SYNE2: variants seen among roughly 807,000 people sequenced by gnomAD.
The protein encoded by SYNE2 is nesprin-2.
In SYNE2, 431 loss-of-function variants were observed where a neutral mutation model predicts 856.3. That is an observed-to-expected ratio of 0.50 (90% CI 0.47 to 0.55). SYNE2 has a LOEUF of 0.55. SYNE2 is among the 20% of genes least tolerant of loss of function. SYNE2 has a pLI of 0.00. For missense variants in SYNE2, 8,129 were observed against 8,023.2 expected (o/e 1.01, Z -0.50); for synonymous variants, 2,923 against 2,872.3 (o/e 1.02, Z -0.56).
In SYNE2 at chr14:64,212,044, C is replaced by T. The variant is rs1243397539; in HGVS notation, c.18807C>T (p.Thr6269=). 6.2e-7 allele frequency: 1 copy of T among 1,614,042 alleles called. No homozygotes were observed. Among genetic ancestry groups the T allele is most frequent in the Non-Finnish European group, 8.5e-7 (1 of 1,180,032 alleles). The part of the protein sequence containing the change: ...VWLTEMDLQL[T]NVEHFSESDA... ...TCACAGAGATGGACCTGCAGCTGAC[C>T]AACGTGGAGCACTTCTCAGAGAGTG... The change falls in exon 104 of 116, where the codon ACC becomes ACT. Residue 6269 remains threonine, a synonymous_variant. Transcript: ENST00000555002.
chr14:63,949,737 T>C, intron 6 of SYNE2, 88 bp from the exon 7 acceptor site: 1 of 1,359,746 alleles, frequency 7.4e-7, no homozygotes, highest in Non-Finnish European at 1.1e-6. Context: ...ACAGGATGCT[T>C]TTTAGGTCTC....
At chr14:64,202,083 C>G (rs142498932) in intron 99 of SYNE2, 7,645 of 664,870 alleles carry the variant, frequency 0.011, 63 homozygotes, top group South Asian at 0.018. Flanking sequence ...TTCAAATCTG[C>G]TCCACGCCGA....
chr14:63,893,016 T>C (rs2095170838), intron 1 of SYNE2, among the ~76,000 whole-genome samples: 1 of 151,868 alleles, frequency 6.6e-6, no homozygotes, highest in Non-Finnish European at 1.5e-5. Flanking sequence ...GAAAAACAAA[T>C]ACAGTGAGGG....
intron 21 of SYNE2, 78 bp downstream of exon 21, chr14:63,991,193 C>T: frequency 7.2e-7 from 1 of 1,390,578 alleles, no homozygotes; most frequent in Non-Finnish European, 1.0e-6. Context: ...ATGTTTCCTT[C>T]ACTGTAATTA....
chr14:64,087,388 A>G (rs771201210), intron 57 of SYNE2: 1 of 588,086 alleles, frequency 1.7e-6, no homozygotes, highest in Non-Finnish European at 3.3e-6. Flanking sequence ...ATGTATAATA[A>G]AAGACACTTC....
chr14:64,144,770 A>G (rs2098167613), intron 83 of SYNE2, among the ~76,000 whole-genome samples: 1 of 152,132 alleles, frequency 6.6e-6, no homozygotes, highest in Non-Finnish European at 1.5e-5. Context: ...TTACACATTT[A>G]AGTAGATAGT....
chr14:64,045,271 T>G lies in SYNE2; in HGVS notation c.7222-2729T>G, dbSNP rs141562724. Reference sequence around the variant, plus strand: ...CCTTTTTCTGACTACTAAAGGCAGTTGTTAGAAATAATGCTTTACTGTTGT... The same window carrying G: ...CCTTTTTCTGACTACTAAAGGCAGTGGTTAGAAATAATGCTTTACTGTTGT... On this transcript the variant is annotated intron_variant, in intron 45 of 115. Transcript: ENST00000555002. Among the ~76,000 whole-genome samples the G allele has an allele frequency of 7.1e-3, 1,084 of 152,322 alleles. 8 individuals carry two copies. Among genetic ancestry groups the G allele is most frequent in the African/African-American group, 0.025 (1,032 of 41,568 alleles).
At chr14:63,867,149 A>G (rs1040805393) in intron 1 of SYNE2, among the ~76,000 whole-genome samples, 1 of 152,094 alleles carries the variant, frequency 6.6e-6, no homozygotes, top group African/African-American at 2.4e-5. Context: ...GCTTGAACAC[A>G]AGTCTGTTGG....
At position 64,220,180 on chromosome 14, in the gene SYNE2, G is replaced by A. The variant is rs115909440; in HGVS notation, c.19861-257G>A. 5.6e-3 allele frequency among the ~76,000 whole-genome samples: 847 copies of A among 152,302 alleles called. 11 individuals carry two copies. The highest frequency in any genetic ancestry group is 0.019 in the African/African-American group (786 of 41,558). The stretch of plus-strand genomic sequence containing the variant: ...GTCCAGAAACATTAAGCCAGTTGCA[G>A]AGCGGGGCCTGTAGAGGTCAGCAGG... On this transcript the variant is annotated intron_variant, in intron 110 of 115. Coordinates refer to ENST00000555002, the MANE Select transcript of SYNE2 (RefSeq NM_182914.3).
rs768426686 is a variant in SYNE2 at position 64,215,297 on chromosome 14, C to T, written c.19345C>T (p.Pro6449Ser). ...TTGTTCTTTTTCAGATGTAGAAATC[C>T]CTGAAAATCCTGAGGCATATCTTAA... Reference protein sequence around the residue: ...YYSALSDVEIPENPEAYLKMT... With the variant: ...YYSALSDVEISENPEAYLKMT... The change falls in exon 107 of 116, where the codon CCT becomes TCT. Residue 6449 changes from proline to serine, a missense_variant. This residue lies in a region of SYNE2 where 5,410 missense variants were observed against 5,284.8 expected (regional missense o/e 1.02). Transcript: ENST00000555002. 1 of 1,614,104 alleles carries T rather than the reference C, an allele frequency of 6.2e-7. No homozygotes were observed. Among genetic ancestry groups the T allele is most frequent in the South Asian group, 1.1e-5 (1 of 91,074 alleles).
At position 64,139,931 on chromosome 14, in the gene SYNE2, C is replaced by T. The variant is rs745628812; in HGVS notation, c.14844-10C>T. On this transcript the variant is annotated splice_polypyrimidine_tract_variant and intron_variant, in intron 79 of 115. Transcript: ENST00000555002. ...CTAATCTGCCTTCTCTCTCACTTTGCTCCTGTTAGTTATAACAGAGATTCG... is the reference window on the plus strand; with the variant it reads ...CTAATCTGCCTTCTCTCTCACTTTGTTCCTGTTAGTTATAACAGAGATTCG... 1.9e-6 allele frequency: 3 copies of T among 1,613,908 alleles called. No individual in the cohort carries two copies. Among genetic ancestry groups the T allele is most frequent in the East Asian group, 4.5e-5 (2 of 44,852 alleles).
Position 63,997,325 on chromosome 14 carries a change from T to A in SYNE2, c.3177T>A (p.Asn1059Lys), listed in dbSNP as rs1594758891. The A allele has an allele frequency of 1.2e-6, 2 of 1,613,484 alleles. No homozygotes were observed. Among genetic ancestry groups the A allele is most frequent in the Non-Finnish European group, 8.5e-7 (1 of 1,179,854 alleles). Residue 1059 changes from asparagine to lysine, a missense_variant, in exon 25 of 116, where the codon AAT becomes AAA. Physicochemically the swap from Asn to Lys is moderately conservative, Grantham distance 94 (BLOSUM62 0). Transcript: ENST00000555002. Reference sequence around the variant, plus strand: ...GGGGGACCATCACCACATCTGAGAATAGAGGAGGGGATCCCCACAGTGAGG... The same window carrying A: ...GGGGGACCATCACCACATCTGAGAAAAGAGGAGGGGATCCCCACAGTGAGG... The part of the protein sequence containing the change: ...KNEGTITTSE[N>K]RGGDPHSEAP...
chr14:63,983,914 A>G, intron 18 of SYNE2, 28 bp downstream of exon 18: 10 of 1,410,612 alleles, frequency 7.1e-6, no homozygotes, highest in Non-Finnish European at 9.8e-6. Flanking sequence ...TGTATATTTC[A>G]CTTGCAAATA....
chr14:63,908,384 C>T (rs1031852761), intron 1 of SYNE2, among the ~76,000 whole-genome samples: 6 of 152,080 alleles, frequency 3.9e-5, no homozygotes, highest in East Asian at 3.9e-4. Flanking sequence ...TGGGAGAAGT[C>T]GGTGTTTTAT....
intron 66 of SYNE2, among the ~76,000 whole-genome samples, chr14:64,116,504 G>C (rs903347138): frequency 4.6e-5 from 7 of 152,056 alleles, no homozygotes; most frequent in Non-Finnish European, 8.8e-5. Flanking sequence ...TGCAACTTCT[G>C]CCTCCTGGGT....
intron 30 of SYNE2, among the ~76,000 whole-genome samples, chr14:64,004,576 C>T (rs548991504): frequency 3.3e-5 from 5 of 152,216 alleles, no homozygotes; most frequent in African/African-American, 4.8e-5. Context: ...GTCATCCACC[C>T]GCTTTAACCT....
intron 73 of SYNE2, among the ~76,000 whole-genome samples, 166 bp from the exon 74 acceptor site, chr14:64,128,286 T>G (rs1465985648): frequency 6.6e-6 from 1 of 152,186 alleles, no homozygotes; most frequent in Non-Finnish European, 1.5e-5. Context: ...AGGTCAGCCA[T>G]GAATCAATAA....
At chr14:63,815,500 G>C (rs183497796) in intron 1 of SYNE2, among the ~76,000 whole-genome samples, 1 of 151,760 alleles carries the variant, frequency 6.6e-6, no homozygotes, top group African/African-American at 2.4e-5. Flanking sequence ...TGATTAGATG[G>C]TGCCCACCCA....
intron 64 of SYNE2, among the ~76,000 whole-genome samples, chr14:64,104,756 G>A (rs576161053): frequency 6.6e-6 from 1 of 152,098 alleles, no homozygotes; most frequent in East Asian, 1.9e-4. Flanking sequence ...CGGCCTCTCT[G>A]TTTTCTTTCA....
Sources: gnomAD v4.1 joint callset for allele counts (sites outside exome capture counted in the v4.1 genomes callset) on GRCh38, gnomAD v4.1.1 for gene constraint, gnomAD v4.1.1 regional missense constraint, MANE v1.5 for transcripts, NCBI Gene and HGNC (gene_info 2026-07-23, HGNC 2026-07-21) for gene names.